Variants in MAGI1 observed in about 807,000 individuals in gnomAD.
The protein encoded by MAGI1 is membrane-associated guanylate kinase, WW and PDZ domain-containing protein 1.
In MAGI1, 58 loss-of-function variants were observed where a neutral mutation model predicts 139.9. The observed-to-expected ratio is 0.41, with a 90% CI of 0.34 to 0.52. The LOEUF (loss-of-function observed/expected upper bound fraction) is 0.52, where lower values mean the gene tolerates loss of function less well. MAGI1 is among the 20% of genes least tolerant of loss of function. The pLI is 0.12. For missense variants in MAGI1, 1,874 were observed against 1,901.6 expected (o/e 0.99, Z 0.27); for synonymous variants, 812 against 737.9 (o/e 1.10, Z -1.63).
intron 1 of MAGI1, among the ~76,000 whole-genome samples, chr3:65,800,638 T>TA (rs11446884): frequency 0.44 from 65,219 of 149,756 alleles, 14,524 homozygotes; most frequent in East Asian, 0.85. Flanking sequence ...TTAATTAGAT[T>TA]AAAAAAAAAA....
At chr3:65,952,106 G>A (rs2063888992) in intron 1 of MAGI1, among the ~76,000 whole-genome samples, 1 of 152,182 alleles carries the variant, frequency 6.6e-6, no homozygotes, top group Non-Finnish European at 1.5e-5. Flanking sequence ...AGGGGTTAGT[G>A]AAAGTGTAGA....
chr3:65,786,801 G>C (rs1489327534), intron 1 of MAGI1, among the ~76,000 whole-genome samples: 1 of 151,864 alleles, frequency 6.6e-6, no homozygotes, highest in African/African-American at 2.4e-5. Flanking sequence ...ATTTTTAGTA[G>C]AGACGGGATT....
At chr3:65,463,858 G>C (rs2107549424) in intron 5 of MAGI1, among the ~76,000 whole-genome samples, 1 of 151,894 alleles carries the variant, frequency 6.6e-6, no homozygotes, top group South Asian at 2.1e-4. Flanking sequence ...GTCTTGGGTG[G>C]GTGTATGTGT....
chr3:65,964,896 C>G lies in MAGI1; in HGVS notation c.313+73100G>C, dbSNP rs142365588. On this transcript the variant is annotated intron_variant, in intron 1 of 22. Transcript: ENST00000402939. ...CCTTTTTGTGGATGTCCAGGCCACA[C>G]AAGAAATGGAAAGAATTTCAATAAG... is the stretch of plus-strand genomic sequence containing the variant. Among the ~76,000 whole-genome samples the G allele has an allele frequency of 2.3e-3, 343 of 152,322 alleles. 1 individual carries two copies. The highest frequency in any genetic ancestry group is 7.7e-3 in the African/African-American group (320 of 41,592).
At chr3:65,359,421 G>T (rs889482181) in intron 22 of MAGI1, 20 of 1,192,066 alleles carry the variant, frequency 1.7e-5, no homozygotes, top group Non-Finnish European at 2.0e-5. Flanking sequence ...ATCCTTTTTT[G>T]TTTTGTTTTG....
In MAGI1 at chr3:65,536,835, C is replaced by T. The variant is rs1035762128; in HGVS notation, c.431-43204G>A. Among the ~76,000 whole-genome samples the T allele has an allele frequency of 3.3e-5, 5 of 152,156 alleles. 1 individual carries two copies. The highest frequency in any genetic ancestry group is 1.2e-4 in the African/African-American group (5 of 41,432). ...ACTGCTAGGAACAATCCTCTTCCCA[C>T]CAGAGATAAGACTGAGAATGGCACC... On this transcript the variant is annotated intron_variant, in intron 2 of 22. Transcript: ENST00000402939.
At chr3:65,746,654 C>T (rs980982099) in intron 1 of MAGI1, among the ~76,000 whole-genome samples, 4 of 152,080 alleles carry the variant, frequency 2.6e-5, no homozygotes, top group Admixed American at 2.6e-4. Flanking sequence ...ACTACCCTTG[C>T]TGATGACATG....
At chr3:65,360,351 CT>C (rs533416565) in intron 22 of MAGI1, 260,328 of 767,182 alleles carry the variant, frequency 0.34, 244 homozygotes, top group Non-Finnish European at 0.37. Flanking sequence ...ATAGCTTCTT[CT>C]TTTTTTTTTT....
At chr3:65,359,325 C>T (rs1940539068) in intron 22 of MAGI1, 2 of 1,419,532 alleles carry the variant, frequency 1.4e-6, no homozygotes, top group South Asian at 1.6e-5. Context: ...TAAGGCAACA[C>T]TCAAATAAGG....
intron 1 of MAGI1, among the ~76,000 whole-genome samples, chr3:65,975,442 T>C (rs2065219830): frequency 6.6e-6 from 1 of 152,136 alleles, no homozygotes. Flanking sequence ...GAATGCCTTA[T>C]TACCCAAGTC....
chr3:65,622,844 G>C (rs1473045714), intron 1 of MAGI1, among the ~76,000 whole-genome samples: 3 of 152,112 alleles, frequency 2.0e-5, no homozygotes, highest in African/African-American at 7.2e-5. Flanking sequence ...TGGGATTACA[G>C]GTGTGAGCCA....
chr3:65,786,251 C>CTTTTTTT (rs3077812), intron 1 of MAGI1, among the ~76,000 whole-genome samples: 1 of 114,832 alleles, frequency 8.7e-6, no homozygotes, highest in African/African-American at 3.4e-5. Flanking sequence ...CCAATCATAA[C>CTTTTTTT]TTTTTTTTTT....
intron 14 of MAGI1, among the ~76,000 whole-genome samples, chr3:65,386,276 T>A (rs1278466541): frequency 6.6e-6 from 1 of 151,464 alleles, no homozygotes; most frequent in African/African-American, 2.4e-5. Context: ...TTCGTTTCCT[T>A]CTGAGAATCA....
intron 1 of MAGI1, among the ~76,000 whole-genome samples, chr3:65,937,068 T>C (rs937896212): frequency 1.3e-5 from 2 of 152,092 alleles, no homozygotes; most frequent in African/African-American, 4.8e-5. Flanking sequence ...TTAACAATTT[T>C]GTATAGCTTA....
At chr3:65,437,129 C>A in intron 10 of MAGI1, 26 bp downstream of exon 10, 2 of 1,491,220 alleles carry the variant, frequency 1.3e-6, no homozygotes, top group Non-Finnish European at 1.8e-6. Flanking sequence ...AAAACCATGA[C>A]ACAATTAGAA....
chr3:65,359,810 T>C, intron 22 of MAGI1: 1 of 985,724 alleles, frequency 1.0e-6, no homozygotes, highest in Non-Finnish European at 1.2e-6. Flanking sequence ...TCATCCTCAG[T>C]GCAACAGACA....
chr3:65,563,226 A>C (rs998087112), intron 2 of MAGI1, among the ~76,000 whole-genome samples: 1 of 152,244 alleles, frequency 6.6e-6, no homozygotes, highest in Non-Finnish European at 1.5e-5. Flanking sequence ...ATATTTAATT[A>C]AATTATATTG....
intron 1 of MAGI1, among the ~76,000 whole-genome samples, chr3:65,683,665 T>TATAG (rs1484566732): frequency 7.0e-5 from 6 of 85,228 alleles, no homozygotes; most frequent in African/African-American, 2.0e-4. Context: ...AGGATATATA[T>TATAG]ATATATATAT....
chr3:65,359,797 T>C, intron 22 of MAGI1: 1 of 985,700 alleles, frequency 1.0e-6, no homozygotes, highest in Non-Finnish European at 1.2e-6. Flanking sequence ...TAGTGTTGGA[T>C]TTTCATCCTC....
Sources: allele counts gnomAD v4.1 joint callset (sites outside exome capture counted in the v4.1 genomes callset), GRCh38; gene constraint gnomAD v4.1.1; transcripts MANE v1.5; gene names NCBI Gene and HGNC (gene_info 2026-07-23, HGNC 2026-07-21).